IL20RA: variants seen among roughly 807,000 people sequenced by gnomAD.
IL20RA encodes interleukin-20 receptor subunit alpha.
In IL20RA, 29 loss-of-function variants were observed where a neutral mutation model predicts 36.5. The observed-to-expected ratio is 0.79, with a 90% CI of 0.59 to 1.08. The LOEUF is 1.08. Among genes scored for constraint, IL20RA ranks in the 50% least tolerant of loss-of-function variants. IL20RA has a pLI of 0.00. For synonymous variants in IL20RA, 279 were observed against 267.1 expected (o/e 1.04, Z -0.43); for missense variants, 652 against 668.4 (o/e 0.98, Z 0.27).
At chr6:137,028,909 T>A (rs2115410527) in intron 1 of IL20RA, among the ~76,000 whole-genome samples, 1 of 152,346 alleles carries the variant, frequency 6.6e-6, no homozygotes, top group East Asian at 1.9e-4. Flanking sequence ...TTGCTCAATA[T>A]AGCATTTCCC....
chr6:137,004,863 G>C (rs1775224026), intron 5 of IL20RA, 103 bp from the exon 6 acceptor site: 7 of 1,072,808 alleles, frequency 6.5e-6, no homozygotes, highest in Non-Finnish European at 9.3e-6. Flanking sequence ...CTTCTGTGCA[G>C]ATCACTTACA....
chr6:137,012,435 T>C (rs1197712434), intron 2 of IL20RA, among the ~76,000 whole-genome samples: 1 of 151,982 alleles, frequency 6.6e-6, no homozygotes, highest in East Asian at 1.9e-4. Context: ...ACAGAACAGA[T>C]TTGGGAAATG....
In IL20RA at chr6:137,044,671, A is replaced by G. The variant is rs556898687; in HGVS notation, c.58T>C (p.Leu20=). The G allele has an allele frequency of 8.1e-5, 99 of 1,224,242 alleles. No homozygotes were observed. In the African/African-American group the frequency reaches 1.4e-3, roughly 18 times the overall value. The allele number at this position is 1,224,242 out of a possible 1,614,324, so 75.8% of individuals were successfully genotyped here. A position where few individuals can be genotyped will look rare whatever the true frequency, so the allele number is the denominator to read the frequency against. The change falls in exon 1 of 7, where the codon TTG becomes CTG. Residue 20 remains leucine, a synonymous_variant. Transcript: ENST00000316649. The part of the protein sequence containing the change: ...RPLPLPPLLL[L]LLAAPWGRAV... ...CGTCCCCAAGGCGCCGCCAGGAGCA[A>G]CAGCAGCAGCGGCGGCAGCGGCAGC... is the stretch of plus-strand genomic sequence containing the variant.
At chr6:137,005,493 C>A (rs1223436953) in intron 5 of IL20RA, among the ~76,000 whole-genome samples, 2 of 152,184 alleles carry the variant, frequency 1.3e-5, no homozygotes, top group Non-Finnish European at 2.9e-5. Context: ...GGCCATATAG[C>A]TGATGACTAG....
At chr6:137,044,421 T>C in intron 1 of IL20RA, 1 of 958,750 alleles carries the variant, frequency 1.0e-6, no homozygotes. Context: ...CCTGCAAACT[T>C]GACCCCGAGC....
In IL20RA at chr6:137,017,027, T is replaced by C. The variant is rs771187778; in HGVS notation, c.165A>G (p.Gln55=). ...FLSINMKNVL[Q]WTPPEGLQGV... is the part of the protein sequence containing the mutation. ...CTTGAAGACCCTCTGGTGGAGTCCA[T>C]TGTAGGACATTCTTCATGTTGATGG... Residue 55 remains glutamine, a synonymous_variant, in exon 2 of 7, where the codon CAA becomes CAG. Transcript: ENST00000316649. 5 of 1,612,306 alleles carry C rather than the reference T, an allele frequency of 3.1e-6. No individual in the cohort carries two copies. The highest frequency in any genetic ancestry group is 3.4e-6 in the Non-Finnish European group (4 of 1,178,320).
chr6:137,021,536 C>A (rs1050032833), intron 1 of IL20RA, among the ~76,000 whole-genome samples: 2 of 149,732 alleles, frequency 1.3e-5, no homozygotes, highest in Non-Finnish European at 3.0e-5. Context: ...AAAAATTAGC[C>A]GGCATGGTGG....
intron 1 of IL20RA, chr6:137,044,157 T>C (rs1196375945): frequency 1.0e-6 from 1 of 985,892 alleles, no homozygotes; most frequent in South Asian, 4.7e-5. Context: ...AGTTTGGCTT[T>C]TAAAGCGCGG....
chr6:137,044,615 C>T, intron 1 of IL20RA, 26 bp downstream of exon 1: 1 of 1,220,546 alleles, frequency 8.2e-7, no homozygotes, highest in Non-Finnish European at 1.0e-6. Flanking sequence ...ATCCCCGACC[C>T]GCACCTGGCG....
chr6:137,006,049 C>G (rs990746943), intron 5 of IL20RA, among the ~76,000 whole-genome samples: 1 of 152,208 alleles, frequency 6.6e-6, no homozygotes, highest in Non-Finnish European at 1.5e-5. Flanking sequence ...AGCTTCAGCA[C>G]AAATGACAAA....
At chr6:137,016,848 ATCTAAAACT>A in intron 2 of IL20RA, 111 bp downstream of exon 2, 1 of 925,418 alleles carries the variant, frequency 1.1e-6, no homozygotes, top group Non-Finnish European at 1.7e-6. Flanking sequence ...AACCTGAAAT[ATCTAAAACT>A]TTTCTCTTTT....
chr6:137,032,052 C>CAAAAA (rs11379045), intron 1 of IL20RA, among the ~76,000 whole-genome samples: 24 of 60,064 alleles, frequency 4.0e-4, no homozygotes, highest in Non-Finnish European at 5.7e-4. Flanking sequence ...GATTCTGTCT[C>CAAAAA]AAAAAAAAAA....
intron 5 of IL20RA, among the ~76,000 whole-genome samples, chr6:137,005,463 C>T (rs571738980): frequency 6.6e-6 from 1 of 152,314 alleles, no homozygotes; most frequent in East Asian, 1.9e-4. Flanking sequence ...AAAAGCAGCC[C>T]TGGCCCACAC....
At chr6:137,044,169 T>C in intron 1 of IL20RA, 7 of 986,068 alleles carry the variant, frequency 7.1e-6, no homozygotes, top group Non-Finnish European at 7.2e-6. Context: ...AAAGCGCGGA[T>C]CTCGCGACGC....
Position 137,008,369 on chromosome 6 carries a change from C to T in IL20RA, c.724+230G>A, listed in dbSNP as rs930014675. Among the ~76,000 whole-genome samples, 21 of 152,338 alleles carry T rather than the reference C, an allele frequency of 1.4e-4. No homozygotes were observed. In the East Asian group the frequency reaches 3.9e-3, roughly 28 times the overall value. ...CATGGAAAGAAGCTGGCAGTGGACA[C>T]GGGACCTGTATGAGTTCTCCGAGGG... On this transcript the variant is annotated intron_variant, in intron 5 of 6. Transcript: ENST00000316649.
In IL20RA at chr6:137,016,959, GA is replaced by G; in HGVS notation, c.224+8del. The G allele has an allele frequency of 6.2e-7, 1 of 1,612,294 alleles. No individual in the cohort carries two copies. The highest frequency in any genetic ancestry group is 8.5e-7 in the Non-Finnish European group (1 of 1,179,120). On this transcript the variant is annotated splice_region_variant and intron_variant, in intron 2 of 6. Transcript: ENST00000316649. Reference sequence around the variant, plus strand: ...TGTAAGCTAGCCAAAAGGAAAAGAAGAAACTTACATGAAATACTGCACAGTG... The same window carrying G: ...TGTAAGCTAGCCAAAAGGAAAAGAAGAACTTACATGAAATACTGCACAGTG...
intron 1 of IL20RA, among the ~76,000 whole-genome samples, chr6:137,041,288 A>G (rs1562244890): frequency 6.6e-6 from 1 of 152,200 alleles, no homozygotes; most frequent in Non-Finnish European, 1.5e-5. Context: ...GAAAAAGGGC[A>G]TTATTGGAAA....
At position 137,000,635 on chromosome 6, in the gene IL20RA, G is replaced by A. The variant is rs1249059902; in HGVS notation, c.*923C>T. 1.3e-5 allele frequency: 2 copies of A among 152,050 alleles called. No homozygotes were observed. Among genetic ancestry groups the A allele is most frequent in the Non-Finnish European group, 2.9e-5 (2 of 68,018 alleles). 9.4% of individuals were successfully genotyped at this position (152,050 alleles called of 1,614,324 possible). On this transcript the variant is annotated 3_prime_UTR_variant, in exon 7 of 7. Coordinates refer to ENST00000316649, the MANE Select transcript of IL20RA (RefSeq NM_014432.4). ...TTACTTATGGGTTTTAATATTATAAGAATAGAGGATATTCATTCATAGATA... is the reference window on the plus strand; with the variant it reads ...TTACTTATGGGTTTTAATATTATAAAAATAGAGGATATTCATTCATAGATA...
In IL20RA at chr6:137,030,072, T is replaced by TTTTTTG. The variant is rs71009522; in HGVS notation, c.89-12970_89-12969insCAAAAA. Reference sequence around the variant, plus strand: ...TGGAAAATGTCAGCGGTTTGCGGGTTTTTTTTTTTTTTTTTTTTTTTTTTT... The same window carrying TTTTTTG: ...TGGAAAATGTCAGCGGTTTGCGGGTTTTTTTGTTTTTTTTTTTTTTTTTTTTTTTTT... On this transcript the variant is annotated intron_variant, in intron 1 of 6. Coordinates refer to ENST00000316649, the MANE Select transcript of IL20RA (RefSeq NM_014432.4). Among the ~76,000 whole-genome samples, 13 of 86,738 alleles carry TTTTTTG rather than the reference T, an allele frequency of 1.5e-4. 1 individual carries two copies. Among genetic ancestry groups the TTTTTTG allele is most frequent in the Admixed American group, 6.9e-4 (6 of 8,742 alleles). 56.9% of individuals were successfully genotyped at this position (86,738 alleles called of 152,430 possible).
Sources: allele counts gnomAD v4.1 joint callset (sites outside exome capture counted in the v4.1 genomes callset), GRCh38; gene constraint gnomAD v4.1.1; transcripts MANE v1.5; gene names NCBI Gene and HGNC (gene_info 2026-07-23, HGNC 2026-07-21).